Variants in ARHGAP42 observed in about 807,000 individuals in gnomAD.
The protein encoded by ARHGAP42 is rho GTPase-activating protein 42.
Under a neutral mutation model 125.0 loss-of-function variants are expected in ARHGAP42, and 63 were observed. The observed-to-expected ratio is 0.50, with a 90% CI of 0.41 to 0.62. The LOEUF (loss-of-function observed/expected upper bound fraction) is 0.62, where lower values mean the gene tolerates loss of function less well. Ranked by LOEUF, ARHGAP42 falls within the 20% of genes least tolerant of loss-of-function variation. The pLI, the probability that ARHGAP42 is intolerant of heterozygous loss-of-function variation, is 0.00. For synonymous variants in ARHGAP42, 339 were observed against 351.0 expected (o/e 0.97, Z 0.38); for missense variants, 766 against 1,024.2 (o/e 0.75, Z 3.44).
intron 1 of ARHGAP42, among the ~76,000 whole-genome samples, chr11:100,723,003 T>C (rs926252809): frequency 1.3e-5 from 2 of 152,200 alleles, no homozygotes; most frequent in Admixed American, 1.3e-4. Context: ...TATCTAGATT[T>C]ATTATTTTGC....
chr11:100,953,245 C>T (rs553476780), intron 12 of ARHGAP42, among the ~76,000 whole-genome samples: 12 of 152,172 alleles, frequency 7.9e-5, no homozygotes, highest in African/African-American at 2.2e-4. Flanking sequence ...CCTAACTCAC[C>T]GGCCACTTCG....
intron 3 of ARHGAP42, among the ~76,000 whole-genome samples, chr11:100,814,621 T>C (rs1864222936): frequency 6.6e-6 from 1 of 152,134 alleles, no homozygotes; most frequent in South Asian, 2.1e-4. Flanking sequence ...CTTACAGTCA[T>C]GGCGGAAGTG....
intron 22 of ARHGAP42, among the ~76,000 whole-genome samples, chr11:100,980,049 C>G (rs1194252804): frequency 2.0e-5 from 3 of 152,278 alleles, no homozygotes; most frequent in East Asian, 1.9e-4. Context: ...CCTTCAAACT[C>G]TCTTTGGTTT....
chr11:100,752,685 G>A (rs753084517), intron 1 of ARHGAP42, among the ~76,000 whole-genome samples: 1 of 152,198 alleles, frequency 6.6e-6, no homozygotes, highest in South Asian at 2.1e-4. Flanking sequence ...TTCTGATGGG[G>A]GCGTGACATA....
chr11:100,749,821 C>A (rs990248495), intron 1 of ARHGAP42, among the ~76,000 whole-genome samples: 3 of 152,170 alleles, frequency 2.0e-5, no homozygotes, highest in Non-Finnish European at 2.9e-5. Context: ...TTCACCCCCA[C>A]ACACATTTAG....
At chr11:100,884,116 A>T (rs1866026585) in intron 4 of ARHGAP42, among the ~76,000 whole-genome samples, 1 of 152,168 alleles carries the variant, frequency 6.6e-6, no homozygotes, top group South Asian at 2.1e-4. Context: ...ATGGCAATGT[A>T]TGTGGTCTTC....
At chr11:100,807,343 G>A (rs1405711835) in intron 3 of ARHGAP42, among the ~76,000 whole-genome samples, 2 of 151,882 alleles carry the variant, frequency 1.3e-5, no homozygotes, top group African/African-American at 2.4e-5. Flanking sequence ...TTACAGGCAT[G>A]CATCAACATG....
At chr11:100,730,161 A>G (rs1038341473) in intron 1 of ARHGAP42, among the ~76,000 whole-genome samples, 5 of 152,138 alleles carry the variant, frequency 3.3e-5, no homozygotes, top group Non-Finnish European at 5.9e-5. Context: ...GTAGTTTTCT[A>G]TTTAAGGAAA....
At chr11:100,936,025 AGG>A (rs1332517808) in intron 7 of ARHGAP42, among the ~76,000 whole-genome samples, 176 bp from the exon 8 acceptor site, 12 of 152,006 alleles carry the variant, frequency 7.9e-5, no homozygotes, top group Admixed American at 1.3e-4. Flanking sequence ...GTGGGGACTG[AGG>A]CAGGAGGATC....
intron 4 of ARHGAP42, among the ~76,000 whole-genome samples, chr11:100,895,089 C>T (rs942694683): frequency 5.9e-5 from 9 of 152,178 alleles, no homozygotes; most frequent in African/African-American, 1.7e-4. Context: ...GAAATCATTT[C>T]ATCGTGCTTT....
intron 1 of ARHGAP42, among the ~76,000 whole-genome samples, chr11:100,755,448 ATCTCT>A (rs1262494379): frequency 1.3e-5 from 2 of 152,256 alleles, no homozygotes; most frequent in African/African-American, 4.8e-5. Flanking sequence ...TCAGATGTAC[ATCTCT>A]TCTCATGAGT....
At chr11:100,910,596 A>G (rs1455244275) in intron 4 of ARHGAP42, among the ~76,000 whole-genome samples, 2 of 150,740 alleles carry the variant, frequency 1.3e-5, no homozygotes, top group African/African-American at 4.9e-5. Flanking sequence ...CATGTCCACA[A>G]CAAGTAACAC....
intron 4 of ARHGAP42, among the ~76,000 whole-genome samples, chr11:100,870,908 A>G (rs1865679689): frequency 6.6e-6 from 1 of 151,836 alleles, no homozygotes; most frequent in African/African-American, 2.4e-5. Flanking sequence ...AAACACAGAT[A>G]TCAGAGTTTA....
chr11:100,827,371 T>C (rs1565231010), intron 3 of ARHGAP42, among the ~76,000 whole-genome samples: 1 of 152,198 alleles, frequency 6.6e-6, no homozygotes, highest in Non-Finnish European at 1.5e-5. Context: ...CATGTGATTT[T>C]CCCCTAGTTG....
At chr11:100,911,657 T>A (rs1866921354) in intron 4 of ARHGAP42, among the ~76,000 whole-genome samples, 1 of 152,088 alleles carries the variant, frequency 6.6e-6, no homozygotes, top group Non-Finnish European at 1.5e-5. Flanking sequence ...AAGAGTAACA[T>A]CCACCAAGCA....
intron 3 of ARHGAP42, among the ~76,000 whole-genome samples, chr11:100,819,835 G>T (rs1461981691): frequency 6.6e-6 from 1 of 152,148 alleles, no homozygotes; most frequent in East Asian, 1.9e-4. Context: ...AACATGAATG[G>T]CTTGTGAGGC....
intron 17 of ARHGAP42, among the ~76,000 whole-genome samples, chr11:100,969,797 T>C (rs1858192101): frequency 6.6e-6 from 1 of 152,176 alleles, no homozygotes; most frequent in Admixed American, 6.6e-5. Flanking sequence ...TTAAATCTGA[T>C]GTTTGGGTCT....
intron 11 of ARHGAP42, among the ~76,000 whole-genome samples, chr11:100,948,941 A>T (rs1438249968): frequency 1.3e-5 from 2 of 152,128 alleles, no homozygotes; most frequent in Non-Finnish European, 2.9e-5. Context: ...GACCATTTTT[A>T]AAAAGTATAA....
intron 4 of ARHGAP42, among the ~76,000 whole-genome samples, chr11:100,875,103 CTCTCTG>C (rs1207847219): frequency 9.4e-4 from 50 of 52,958 alleles, no homozygotes; most frequent in South Asian, 6.6e-3. Context: ...CTCTCTCTCT[CTCTCTG>C]TGTGTGTGTG....
Sources: allele counts gnomAD v4.1 joint callset (sites outside exome capture counted in the v4.1 genomes callset), GRCh38; gene constraint gnomAD v4.1.1; transcripts MANE v1.5; gene names NCBI Gene and HGNC (gene_info 2026-07-23, HGNC 2026-07-21).